Variants in TMEM278 observed in about 807,000 individuals in gnomAD.
TMEM278 encodes the protein transmembrane protein 88B.
the TMEM278 span, chr1:1,426,339 T>G: frequency 6.9e-7 from 1 of 1,450,444 alleles, no homozygotes; most frequent in Non-Finnish European, 9.1e-7. Context: ...CTGGTGCTCC[T>G]GCCCGCGGCC....
At chr1:1,427,633 T>C in the TMEM278 span, 1 of 1,337,688 alleles carries the variant, frequency 7.5e-7, no homozygotes, top group Non-Finnish European at 9.6e-7. Context: ...TTCGGGCTTC[T>C]CTCGCTGCCG....
the TMEM278 span, chr1:1,426,494 G>A: frequency 2.2e-6 from 2 of 915,164 alleles, no homozygotes; most frequent in South Asian, 2.7e-5. Context: ...TGTCCTCAGA[G>A]ACACGTGTGC....
At chr1:1,427,727 C>T in the TMEM278 span, 8 of 1,306,666 alleles carry the variant, frequency 6.1e-6, no homozygotes, top group South Asian at 6.1e-5. Flanking sequence ...CTGGGACCCC[C>T]GGACCCCGCC....
the TMEM278 span, chr1:1,427,613 G>C: frequency 8.4e-6 from 11 of 1,304,440 alleles, no homozygotes; most frequent in East Asian, 3.4e-4. Context: ...GCTCCGCGGC[G>C]CTCATCGTGT....
chr1:1,429,436 C>T, the TMEM278 span, among the ~76,000 whole-genome samples: 4 of 151,720 alleles, frequency 2.6e-5, no homozygotes, highest in Admixed American at 6.6e-5. Flanking sequence ...TTGATACATG[C>T]TTGCTTTTTA....
the TMEM278 span, among the ~76,000 whole-genome samples, chr1:1,426,896 C>T: frequency 2.0e-5 from 3 of 151,922 alleles, no homozygotes; most frequent in Non-Finnish European, 4.4e-5. Context: ...GCGGGCAGAA[C>T]GCGGCAGTGG....
the TMEM278 span, among the ~76,000 whole-genome samples, chr1:1,428,488 C>G: frequency 6.6e-6 from 1 of 152,132 alleles, no homozygotes; most frequent in East Asian, 1.9e-4. Context: ...CTTGGTCTCA[C>G]CAGCGCGTCC....
the TMEM278 span, among the ~76,000 whole-genome samples, chr1:1,429,214 GGT>G: frequency 6.6e-6 from 1 of 151,936 alleles, no homozygotes; most frequent in Non-Finnish European, 1.5e-5. Flanking sequence ...TGGCCATGGT[GGT>G]GCACACCTGT....
At chr1:1,426,447 G>A in the TMEM278 span, 26 of 1,278,992 alleles carry the variant, frequency 2.0e-5, no homozygotes, top group East Asian at 4.4e-4. Flanking sequence ...CGTGCCCTGG[G>A]TCTGAAGGCA....
chr1:1,429,673 T>C, the TMEM278 span, among the ~76,000 whole-genome samples: 1 of 152,140 alleles, frequency 6.6e-6, no homozygotes, highest in Non-Finnish European at 1.5e-5. Context: ...CAGAGACTAT[T>C]CCCCTTTTCC....
At chr1:1,426,211 T>A in the TMEM278 span, 26 of 1,413,540 alleles carry the variant, frequency 1.8e-5, no homozygotes, top group South Asian at 3.6e-4. Flanking sequence ...CCCGGGGACC[T>A]CCCGACCACC....
chr1:1,426,521 C>G, the TMEM278 span: 3 of 701,300 alleles, frequency 4.3e-6, no homozygotes, highest in Non-Finnish European at 6.2e-6. Flanking sequence ...CTGGCAGCCC[C>G]TTCTCCCAAG....
the TMEM278 span, among the ~76,000 whole-genome samples, chr1:1,428,728 C>T: frequency 3.3e-5 from 5 of 152,172 alleles, no homozygotes; most frequent in African/African-American, 4.8e-5. Flanking sequence ...AGGCCAGGCA[C>T]GGTGGCTCAC....
At chr1:1,427,798 G>A in the TMEM278 span, 67 of 1,378,350 alleles carry the variant, frequency 4.9e-5, no homozygotes, top group East Asian at 1.2e-3. Context: ...CCCGGCGGCC[G>A]CTGCGAAACC....
chr1:1,426,430 G>A, the TMEM278 span: 1 of 1,325,926 alleles, frequency 7.5e-7, no homozygotes, highest in Non-Finnish European at 9.7e-7. Flanking sequence ...GGGTCCTGGG[G>A]AGTGGGCGTG....
At chr1:1,427,732 C>A in the TMEM278 span, 5 of 1,303,016 alleles carry the variant, frequency 3.8e-6, no homozygotes, top group Non-Finnish European at 4.9e-6. Context: ...ACCCCCGGAC[C>A]CCGCCGCCCC....
At chr1:1,427,353 C>G in the TMEM278 span, among the ~76,000 whole-genome samples, 1 of 147,232 alleles carries the variant, frequency 6.8e-6, no homozygotes, top group Non-Finnish European at 1.5e-5. Context: ...CTCCATCACC[C>G]TGCCCTGCCC....
the TMEM278 span, among the ~76,000 whole-genome samples, chr1:1,429,884 CAG>C: frequency 2.0e-5 from 3 of 152,198 alleles, no homozygotes; most frequent in Admixed American, 1.3e-4. Flanking sequence ...TACTTAGAGA[CAG>C]AGTCTTGCTC....
At chr1:1,427,843 G>C in the TMEM278 span, 1 of 1,328,448 alleles carries the variant, frequency 7.5e-7, no homozygotes. Flanking sequence ...CGACCCCATC[G>C]CGTGGCCCGG....
Sources: gnomAD v4.1 joint callset for allele counts (sites outside exome capture counted in the v4.1 genomes callset) on GRCh38, gnomAD v4.1.1 for gene constraint, MANE v1.5 for transcripts, NCBI Gene and HGNC (gene_info 2026-07-23, HGNC 2026-07-21) for gene names.